Variants in ASCC3 observed in about 807,000 individuals in gnomAD.
The protein encoded by ASCC3 is activating signal cointegrator 1 complex subunit 3, also known as ASC-1 complex subunit P200.
ASCC3 carries 158 observed loss-of-function variants against 256.3 expected under a neutral mutation model. The observed-to-expected ratio is 0.62, with a 90% CI of 0.54 to 0.70. The LOEUF is 0.70. Ranked by LOEUF, ASCC3 falls within the 30% of genes least tolerant of loss-of-function variation. The pLI is 0.00. For missense variants in ASCC3, 2,259 were observed against 2,626.0 expected, an observed-to-expected ratio of 0.86 and a Z score of 3.05; for synonymous variants, 948 against 883.4, an observed-to-expected ratio of 1.07 and a Z score of -1.30.
intron 10 of ASCC3, among the ~76,000 whole-genome samples, chr6:100,730,892 T>C (rs184529557): frequency 1.3e-5 from 2 of 152,280 alleles, no homozygotes; most frequent in Admixed American, 1.3e-4. Flanking sequence ...ACATAAAGCA[T>C]AGTCTCAAAT....
At position 100,647,023 on chromosome 6, in the gene ASCC3, T is replaced by C. The variant is rs139042894; in HGVS notation, c.3478+203A>G. ...TAGGGTGCTTAAAATTACTGAGACTTGATAGTGTTTAAACTACTATAAACA... is the reference window on the plus strand; with the variant it reads ...TAGGGTGCTTAAAATTACTGAGACTCGATAGTGTTTAAACTACTATAAACA... On this transcript the variant is annotated intron_variant, in intron 21 of 41. Transcript: ENST00000369162. Among the ~76,000 whole-genome samples the C allele has an allele frequency of 1.4e-4, 21 of 152,296 alleles. 1 individual carries two copies. The East Asian group carries it at 3.9e-3, about 28-fold the overall frequency.
intron 11 of ASCC3, among the ~76,000 whole-genome samples, chr6:100,723,746 G>T (rs1168300232): frequency 6.7e-6 from 1 of 150,204 alleles, no homozygotes. Context: ...TCGTATCTAG[G>T]TATATAGGGA....
At chr6:100,850,130 A>G (rs1772594020) in intron 3 of ASCC3, among the ~76,000 whole-genome samples, 1 of 145,082 alleles carries the variant, frequency 6.9e-6, no homozygotes, top group African/African-American at 2.5e-5. Flanking sequence ...AGAAGGAAAC[A>G]TGACTCCAGT....
intron 13 of ASCC3, among the ~76,000 whole-genome samples, chr6:100,698,743 C>T (rs1373192080): frequency 6.6e-6 from 1 of 152,044 alleles, no homozygotes. Context: ...GGAAAAAAAT[C>T]CTTAAGAAGG....
intron 8 of ASCC3, among the ~76,000 whole-genome samples, chr6:100,769,529 A>G (rs1781822038): frequency 6.6e-6 from 1 of 151,878 alleles, no homozygotes. Flanking sequence ...ATCAATTAAA[A>G]AAGAAAAAAA....
At chr6:100,718,015 A>G in intron 12 of ASCC3, 60 bp downstream of exon 12, 1 of 1,534,784 alleles carries the variant, frequency 6.5e-7, no homozygotes, top group Non-Finnish European at 8.9e-7. Context: ...AACTCCAAAC[A>G]AGTATTCAAT....
intron 1 of ASCC3, among the ~76,000 whole-genome samples, chr6:100,871,690 C>T (rs117938462): frequency 0.013 from 1,928 of 152,210 alleles, 20 homozygotes; most frequent in East Asian, 0.045. Flanking sequence ...TGCTTGAGCC[C>T]GGAAGGTCAA....
At chr6:100,879,786 T>C (rs1364045668) in intron 1 of ASCC3, among the ~76,000 whole-genome samples, 1 of 152,248 alleles carries the variant, frequency 6.6e-6, no homozygotes, top group East Asian at 1.9e-4. Flanking sequence ...TATACTACTT[T>C]TTGATCAAAG....
chr6:100,589,904 G>C (rs781402008), intron 35 of ASCC3, 44 bp downstream of exon 35: 3 of 1,593,248 alleles, frequency 1.9e-6, no homozygotes, highest in Non-Finnish European at 2.6e-6. Context: ...CTGTCAAAAA[G>C]CTGGGCAATC....
At chr6:100,613,011 A>C (rs967734437) in intron 30 of ASCC3, among the ~76,000 whole-genome samples, 3 of 151,932 alleles carry the variant, frequency 2.0e-5, no homozygotes, top group Non-Finnish European at 4.4e-5. Flanking sequence ...AATATACACA[A>C]TACTATTTTC....
At chr6:100,631,687 T>A (rs991058337) in intron 25 of ASCC3, among the ~76,000 whole-genome samples, 2 of 151,916 alleles carry the variant, frequency 1.3e-5, no homozygotes, top group Non-Finnish European at 2.9e-5. Flanking sequence ...AGAAATAAAC[T>A]ATTGTTTAAA....
chr6:100,864,465 C>G (rs1773386008), intron 2 of ASCC3, among the ~76,000 whole-genome samples: 2 of 152,298 alleles, frequency 1.3e-5, no homozygotes, highest in Admixed American at 1.3e-4. Context: ...ACTGCATACT[C>G]ATAAAATCAT....
At chr6:100,616,303 T>C (rs1773659240) in intron 30 of ASCC3, among the ~76,000 whole-genome samples, 1 of 152,248 alleles carries the variant, frequency 6.6e-6, no homozygotes, top group Non-Finnish European at 1.5e-5. Flanking sequence ...AATGATAAAC[T>C]GCTCTAGCAT....
chr6:100,563,405 T>G (rs975202454), intron 36 of ASCC3, among the ~76,000 whole-genome samples: 1 of 152,200 alleles, frequency 6.6e-6, no homozygotes, highest in South Asian at 2.1e-4. Context: ...TGAATATTTT[T>G]CCAAAAAGTT....
At chr6:100,514,528 G>T (rs1264251379) in intron 39 of ASCC3, among the ~76,000 whole-genome samples, 1 of 151,620 alleles carries the variant, frequency 6.6e-6, no homozygotes, top group Non-Finnish European at 1.5e-5. Flanking sequence ...TGTCATATCT[G>T]GCTTTTATAT....
At chr6:100,818,732 G>A (rs1770884293) in intron 4 of ASCC3, among the ~76,000 whole-genome samples, 1 of 135,692 alleles carries the variant, frequency 7.4e-6, no homozygotes, top group Admixed American at 7.8e-5. Context: ...TCTAGGCAGG[G>A]CAGTTAGGCA....
At chr6:100,671,428 A>C (rs1230609020) in intron 14 of ASCC3, among the ~76,000 whole-genome samples, 1 of 152,096 alleles carries the variant, frequency 6.6e-6, no homozygotes, top group Non-Finnish European at 1.5e-5. Context: ...TCTCCACAGA[A>C]GCCATTTGAG....
At chr6:100,735,861 CCT>C (rs541604363) in intron 10 of ASCC3, among the ~76,000 whole-genome samples, 39 of 152,228 alleles carry the variant, frequency 2.6e-4, no homozygotes, top group African/African-American at 6.7e-4. Flanking sequence ...CCCTTCAGCC[CCT>C]GAGCTTACAT....
At chr6:100,713,090 T>C (rs185883348) in intron 13 of ASCC3, among the ~76,000 whole-genome samples, 90 of 152,058 alleles carry the variant, frequency 5.9e-4, no homozygotes, top group Non-Finnish European at 1.0e-3. Context: ...CTCAAACGAG[T>C]TGATAACTTA....
Sources: allele counts gnomAD v4.1 joint callset (sites outside exome capture counted in the v4.1 genomes callset), GRCh38; gene constraint gnomAD v4.1.1; transcripts MANE v1.5; gene names NCBI Gene and HGNC (gene_info 2026-07-23, HGNC 2026-07-21).